KCTD1: variants seen among roughly 807,000 people sequenced by gnomAD.
The protein encoded by KCTD1 is BTB/POZ domain-containing protein KCTD1.
In KCTD1, 24 loss-of-function variants were observed where a neutral mutation model predicts 66.0. The ratio of observed to expected loss-of-function variants is 0.36; its 90% CI spans 0.26 to 0.51. The LOEUF is 0.51. Ranked by LOEUF, KCTD1 falls within the 20% of genes least tolerant of loss-of-function variation. The pLI is 0.95. For synonymous variants in KCTD1, 511 were observed against 517.2 expected (o/e 0.99, Z 0.16); for missense variants, 943 against 1,205.2 (o/e 0.78, Z 3.22).
At chr18:26,530,477 TG>T (rs1450425348) in intron 1 of KCTD1, among the ~76,000 whole-genome samples, 1 of 152,200 alleles carries the variant, frequency 6.6e-6, no homozygotes, top group Non-Finnish European at 1.5e-5. Flanking sequence ...TGGTGAACTT[TG>T]GGGCAAGTCC....
At chr18:26,456,476 C>T (rs1376887309) in intron 4 of KCTD1, 1 of 152,152 alleles carries the variant, frequency 6.6e-6, no homozygotes, top group Admixed American at 6.5e-5. Flanking sequence ...ATTTCAATAG[C>T]AGAACAAAGG....
rs185943039 is a variant in KCTD1 at position 26,593,549 on chromosome 18, C to T, written c.-16+35598G>A. ...ACAAGGAGAAGGAGGAGGAAGAAGACGAGGAGGAGGAGGAGGAGGAAGACA... is the reference window on the plus strand; with the variant it reads ...ACAAGGAGAAGGAGGAGGAAGAAGATGAGGAGGAGGAGGAGGAGGAAGACA... On this transcript the variant is annotated intron_variant, in intron 1 of 4. Coordinates refer to the KCTD1 transcript ENST00000317932. Among the ~76,000 whole-genome samples the T allele has an allele frequency of 3.8e-3, 169 of 43,898 alleles. 2 individuals are homozygous for T. The highest frequency in any genetic ancestry group is 0.016 in the Middle Eastern group (1 of 62). 28.8% of individuals were successfully genotyped at this position (43,898 alleles called of 152,430 possible).
At chr18:26,487,631 G>A (rs1360123470) in intron 2 of KCTD1, among the ~76,000 whole-genome samples, 2 of 152,220 alleles carry the variant, frequency 1.3e-5, no homozygotes, top group Non-Finnish European at 2.9e-5. Flanking sequence ...TACCCAAGAA[G>A]GCGCTGACAG....
intron 3 of KCTD1, among the ~76,000 whole-genome samples, chr18:26,475,188 A>T (rs1326984572): frequency 6.6e-6 from 1 of 151,994 alleles, no homozygotes; most frequent in Non-Finnish European, 1.5e-5. Flanking sequence ...ATCCACCATT[A>T]CCCACCTTTA....
At chr18:26,604,658 G>A (rs1986972927) in intron 1 of KCTD1, among the ~76,000 whole-genome samples, 1 of 152,156 alleles carries the variant, frequency 6.6e-6, no homozygotes, top group Non-Finnish European at 1.5e-5. Flanking sequence ...AATACTGCAT[G>A]TTCTCACTTA....
intron 1 of KCTD1, among the ~76,000 whole-genome samples, chr18:26,576,211 C>T (rs1009416566): frequency 3.9e-5 from 6 of 152,132 alleles, no homozygotes; most frequent in African/African-American, 1.4e-4. Flanking sequence ...GTTTGTTGTA[C>T]CATTTGACTA....
At chr18:26,627,279 T>TC (rs1156860712) in intron 1 of KCTD1, among the ~76,000 whole-genome samples, 1 of 151,444 alleles carries the variant, frequency 6.6e-6, no homozygotes, top group Non-Finnish European at 1.5e-5. Context: ...TGTGTGTGTG[T>TC]GTGTGTGTGT....
chr18:26,489,330 A>G (rs1365818270), intron 2 of KCTD1, among the ~76,000 whole-genome samples: 2 of 152,178 alleles, frequency 1.3e-5, no homozygotes, highest in East Asian at 3.8e-4. Context: ...TTCTCCTAAC[A>G]TAGCTCACGT....
intron 1 of KCTD1, among the ~76,000 whole-genome samples, chr18:26,570,831 C>T (rs546199246): frequency 6.6e-6 from 1 of 152,320 alleles, no homozygotes; most frequent in African/African-American, 2.4e-5. Context: ...TCAGAGATGT[C>T]TATACCCTGA....
intron 1 of KCTD1, among the ~76,000 whole-genome samples, chr18:26,588,000 G>A (rs1317677980): frequency 6.6e-6 from 1 of 152,242 alleles, no homozygotes; most frequent in African/African-American, 2.4e-5. Context: ...AGCAGGGTAT[G>A]AGACAACTGA....
chr18:26,562,440 GT>G (rs1295825424), intron 1 of KCTD1, among the ~76,000 whole-genome samples: 1 of 134,446 alleles, frequency 7.4e-6, no homozygotes. Context: ...GGGTGGGGGG[GT>G]GGGGGCGGGG....
chr18:26,467,291 G>C (rs1408209085), intron 3 of KCTD1, among the ~76,000 whole-genome samples: 1 of 152,152 alleles, frequency 6.6e-6, no homozygotes, highest in Non-Finnish European at 1.5e-5. Context: ...GCCAAGGCAG[G>C]AGGATTGCTT....
chr18:26,560,499 G>A (rs1008485762), intron 1 of KCTD1, among the ~76,000 whole-genome samples: 1 of 152,138 alleles, frequency 6.6e-6, no homozygotes, highest in Non-Finnish European at 1.5e-5. Flanking sequence ...GAACCAGATC[G>A]ATAGGTCTGG....
chr18:26,603,479 GC>G (rs1986944415), intron 1 of KCTD1, among the ~76,000 whole-genome samples: 1 of 150,510 alleles, frequency 6.6e-6, no homozygotes, highest in Non-Finnish European at 1.5e-5. Flanking sequence ...TATGGCTCAT[GC>G]CTGTAATTCC....
In KCTD1 at chr18:26,548,272, C is replaced by A; in HGVS notation, c.265G>T (p.Glu89Ter). 6.6e-7 allele frequency: 1 copy of A among 1,513,302 alleles called. No homozygotes were observed. The highest frequency in any genetic ancestry group is 8.8e-7 in the Non-Finnish European group (1 of 1,134,318). 93.7% of individuals were successfully genotyped at this position (1,513,302 alleles called of 1,614,324 possible). A position where few individuals can be genotyped will look rare whatever the true frequency, so the allele number is the denominator to read the frequency against. Residue 89 changes from glutamate to a stop codon, truncating the protein, a stop_gained, in exon 1 of 5, where the codon GAG becomes TAG. Coordinates refer to ENST00000580059, the MANE Select transcript of KCTD1 (RefSeq NM_001142730.3). LOFTEE classifies it high-confidence loss of function. ...EDGGGGLEEDEEEEEEEEMGL... is the reference protein window; with the variant it reads ...EDGGGGLEED ...ATCTCCTCCTCTTCCTCCTCCTCCT[C>A]GTCCTCCTCCAGCCCCCCACCTCCG...
chr18:26,634,288 C>G (rs1243305737), intron 1 of KCTD1, among the ~76,000 whole-genome samples: 2 of 152,174 alleles, frequency 1.3e-5, no homozygotes, highest in Non-Finnish European at 2.9e-5. Flanking sequence ...TAGAGTTACA[C>G]TGGTTGGCTT....
intron 2 of KCTD1, among the ~76,000 whole-genome samples, chr18:26,490,452 T>C (rs1219809291): frequency 1.3e-5 from 2 of 152,190 alleles, no homozygotes; most frequent in East Asian, 1.9e-4. Context: ...CCCTCCAGGA[T>C]AGCGAGACTA....
At chr18:26,620,659 C>T (rs1025108882) in intron 1 of KCTD1, among the ~76,000 whole-genome samples, 11 of 151,846 alleles carry the variant, frequency 7.2e-5, no homozygotes, top group Non-Finnish European at 1.6e-4. Flanking sequence ...TGGTCTCAAA[C>T]TCCTGGGCTC....
At chr18:26,641,716 C>A (rs1987837455), upstream of KCTD1, among the ~76,000 whole-genome samples, 1 of 152,090 alleles carries the variant, frequency 6.6e-6, no homozygotes, top group Non-Finnish European at 1.5e-5. Context: ...AGAGCCTGTT[C>A]CATGCCCCTT....
Sources: allele counts gnomAD v4.1 joint callset (sites outside exome capture counted in the v4.1 genomes callset), GRCh38; gene constraint gnomAD v4.1.1; transcripts MANE v1.5; gene names NCBI Gene and HGNC (gene_info 2026-07-23, HGNC 2026-07-21).